The following GORAB variants were observed in gnomAD, a reference collection of about 807,000 sequenced individuals.
GORAB encodes the protein RAB6-interacting golgin.
GORAB carries 17 observed loss-of-function variants against 29.9 expected under a neutral mutation model. The observed-to-expected ratio is 0.57, with a 90% CI of 0.39 to 0.85. GORAB has a LOEUF of 0.85. Ranked by LOEUF, GORAB falls within the 40% of genes least tolerant of loss-of-function variation. The pLI, the probability that GORAB is intolerant of heterozygous loss-of-function variation, is 0.00. For synonymous variants in GORAB, 183 were observed against 157.2 expected (o/e 1.16, Z -1.23); for missense variants, 442 against 437.8 (o/e 1.01, Z -0.09).
rs1465200138 is a variant in GORAB, at chr1:170,552,386, C to T, written c.1034C>T (p.Ser345Phe). Residue 345 changes from serine to phenylalanine, a missense_variant, in exon 5 of 5, where the codon TCC (serine) becomes TTC (phenylalanine). Ser to Phe is a radical substitution (Grantham distance 155, BLOSUM62 -2). Transcript: ENST00000367763. ...AAGGTAGATGACCAGTGTGGAAATT[C>T]CAGTAGCATCCCCTTTCTTAGTCCA... is the stretch of plus-strand genomic sequence containing the variant. ...SPKVDDQCGNSSSIPFLSPNC... is the reference protein window; with the variant it reads ...SPKVDDQCGNFSSIPFLSPNC... 1 of 1,613,910 alleles carries T rather than the reference C, an allele frequency of 6.2e-7. No homozygotes were observed. Among genetic ancestry groups the T allele is most frequent in the African/African-American group, 1.3e-5 (1 of 74,886 alleles).
chr1:170,536,018 TA>T (rs1163658987), intron 1 of GORAB, among the ~76,000 whole-genome samples: 1 of 152,184 alleles, frequency 6.6e-6, no homozygotes, highest in Non-Finnish European at 1.5e-5. Context: ...AAAATTTTAA[TA>T]ATTTTACCAA....
At chr1:170,539,044 C>T in intron 1 of GORAB, 166 bp from the exon 2 acceptor site, 5 of 739,650 alleles carry the variant, frequency 6.8e-6, no homozygotes, top group Middle Eastern at 3.7e-4. Flanking sequence ...ACTATTGAAA[C>T]TCTACAGGAA....
chr1:170,545,684 CT>C, intron 4 of GORAB: 1 of 981,132 alleles, frequency 1.0e-6, no homozygotes, highest in South Asian at 4.7e-5. Flanking sequence ...ATCAGAATGC[CT>C]CATTAGGCCA....
At chr1:170,541,855 G>A (rs1360794609) in intron 2 of GORAB, among the ~76,000 whole-genome samples, 1 of 152,032 alleles carries the variant, frequency 6.6e-6, no homozygotes, top group East Asian at 1.9e-4. Context: ...GCTCACACCT[G>A]TAATCCCAGC....
intron 4 of GORAB, among the ~76,000 whole-genome samples, chr1:170,546,936 C>T (rs1310470052): frequency 3.3e-5 from 5 of 152,072 alleles, no homozygotes; most frequent in East Asian, 3.9e-4. Context: ...CCGCCTGCCT[C>T]AGCCTCCCAA....
intron 3 of GORAB, among the ~76,000 whole-genome samples, chr1:170,543,860 A>G (rs149454496): frequency 3.3e-5 from 5 of 152,302 alleles, no homozygotes; most frequent in Admixed American, 6.5e-5. Context: ...TACTTGACGT[A>G]AAAGAATCAT....
intron 1 of GORAB, among the ~76,000 whole-genome samples, chr1:170,532,954 A>G (rs781721765): frequency 6.6e-6 from 1 of 152,228 alleles, no homozygotes; most frequent in Non-Finnish European, 1.5e-5. Flanking sequence ...TAGAGTAATC[A>G]TTGAATGGGC....
chr1:170,533,409 C>T (rs1425448901), intron 1 of GORAB: 2 of 341,598 alleles, frequency 5.9e-6, no homozygotes, highest in Non-Finnish European at 1.3e-5. Context: ...GCTTGATATA[C>T]TCAAATTCTT....
chr1:170,542,003 G>A (rs1027687145), intron 2 of GORAB, among the ~76,000 whole-genome samples: 1 of 152,054 alleles, frequency 6.6e-6, no homozygotes, highest in Admixed American at 6.6e-5. Context: ...GAAAAAGTGA[G>A]CAAATTGAAA....
chr1:170,542,599 C>T lies in GORAB; in HGVS notation c.521+7C>T. 2 of 1,582,242 alleles carry T rather than the reference C, an allele frequency of 1.3e-6. No homozygotes were observed. Among genetic ancestry groups the T allele is most frequent in the East Asian group, 4.5e-5 (2 of 44,664 alleles). ...CTAAAGCTATTGCAGAAAGGTGAGG[C>T]ACCTGAACCAGGAGAGGCTGTTTGT... is the stretch of plus-strand genomic sequence containing the variant. On this transcript the variant is annotated splice_region_variant and intron_variant, in intron 3 of 4. Coordinates refer to ENST00000367763, the MANE Select transcript of GORAB (RefSeq NM_152281.3).
intron 3 of GORAB, among the ~76,000 whole-genome samples, chr1:170,543,132 G>A (rs1304875899): frequency 2.0e-5 from 3 of 152,104 alleles, no homozygotes; most frequent in Non-Finnish European, 4.4e-5. Flanking sequence ...AGCACTGTGT[G>A]AGATTCAATT....
chr1:170,542,866 A>G (rs570055194), intron 3 of GORAB, among the ~76,000 whole-genome samples: 48 of 152,356 alleles, frequency 3.2e-4, no homozygotes, highest in African/African-American at 9.9e-4. Flanking sequence ...AACCATCTAC[A>G]CATTCATAAG....
intron 3 of GORAB, among the ~76,000 whole-genome samples, chr1:170,543,630 CTTT>C (rs34490973): frequency 7.4e-6 from 1 of 135,722 alleles, no homozygotes. Context: ...GTAGTGCCCT[CTTT>C]TTTTTTTTTT....
rs146022246 is a variant in GORAB at position 170,535,763 on chromosome 1, G to T, written c.62-3447G>T. Among the ~76,000 whole-genome samples, 1,476 of 151,074 alleles carry T rather than the reference G, an allele frequency of 9.8e-3. 11 individuals carry two copies. Among genetic ancestry groups the T allele is most frequent in the Middle Eastern group, 0.034 (10 of 294 alleles). On this transcript the variant is annotated intron_variant, in intron 1 of 4. Transcript: ENST00000367763. ...TGTAGGGATAGGATCTTGCTATTTT[G>T]CCTAGGTTGGTCTCAAACTCCTGGG...
intron 2 of GORAB, 174 bp downstream of exon 2, chr1:170,539,741 C>G (rs1360060323): frequency 3.0e-6 from 2 of 663,006 alleles, no homozygotes; most frequent in African/African-American, 1.8e-5. Flanking sequence ...TAAATATAAG[C>G]TGGACACAGG....
rs530223964 is a variant in GORAB, at chr1:170,535,104, T to C, written c.61+2820T>C. Among the ~76,000 whole-genome samples the C allele has an allele frequency of 9.2e-5, 14 of 152,240 alleles. No individual in the cohort carries two copies. The South Asian group carries it at 2.7e-3, about 29-fold the overall frequency. ...TTACCATAGTAGGAAGAAAAGAAGA[T>C]TGAAAATTGAACATTGGCAATTAAA... On this transcript the variant is annotated intron_variant, in intron 1 of 4. Transcript: ENST00000367763.
chr1:170,539,688 C>A, intron 2 of GORAB, 121 bp downstream of exon 2: 1 of 1,049,416 alleles, frequency 9.5e-7, no homozygotes, highest in Non-Finnish European at 1.4e-6. Flanking sequence ...TTCATTCAAT[C>A]ATAGGAATGT....
At chr1:170,533,374 C>A (rs1240752350) in intron 1 of GORAB, 3 of 289,048 alleles carry the variant, frequency 1.0e-5, no homozygotes, top group Non-Finnish European at 2.2e-5. Context: ...TTAGGCTAAG[C>A]TATGTAGTTA....
rs577830340 is a variant in GORAB, at chr1:170,546,636, T to C, written c.662+1791T>C. ...AGATGACAGTTTCTCATGGTACTAATATTGATGTAGTTGAATGTAAGTAGA... is the reference window on the plus strand; with the variant it reads ...AGATGACAGTTTCTCATGGTACTAACATTGATGTAGTTGAATGTAAGTAGA... On this transcript the variant is annotated intron_variant, in intron 4 of 4. Transcript: ENST00000367763. Among the ~76,000 whole-genome samples, 557 of 152,268 alleles carry C rather than the reference T, an allele frequency of 3.7e-3. 2 individuals are homozygous for C. Among genetic ancestry groups the C allele is most frequent in the Non-Finnish European group, 6.2e-3 (422 of 68,016 alleles).
Sources: gnomAD v4.1 joint callset for allele counts (sites outside exome capture counted in the v4.1 genomes callset) on GRCh38, gnomAD v4.1.1 for gene constraint, MANE v1.5 for transcripts, NCBI Gene and HGNC (gene_info 2026-07-23, HGNC 2026-07-21) for gene names.